GRB10: variants seen among roughly 807,000 people sequenced by gnomAD.
GRB10 encodes the protein growth factor receptor bound protein 10, also known as growth factor receptor-bound protein 10.
Under a neutral mutation model 80.9 loss-of-function variants are expected in GRB10, and 20 were observed. That is an observed-to-expected ratio of 0.25 (90% confidence interval 0.17 to 0.36). The LOEUF (loss-of-function observed/expected upper bound fraction) is 0.36. Among genes scored for constraint, GRB10 ranks in the 10% least tolerant of loss-of-function variants. GRB10 has a pLI of 1.00. For synonymous variants in GRB10, 291 were observed against 291.5 expected (o/e 1.00, Z 0.02); for missense variants, 548 against 747.7 (o/e 0.73, Z 3.12).
intron 5 of GRB10, among the ~76,000 whole-genome samples, chr7:50,695,564 C>T (rs1178073570): frequency 6.6e-6 from 1 of 152,106 alleles, no homozygotes; most frequent in Non-Finnish European, 1.5e-5. Flanking sequence ...AGGTGTAATG[C>T]TATTTGCTCC....
intron 4 of GRB10, chr7:50,705,411 A>G: frequency 2.2e-6 from 1 of 461,808 alleles, no homozygotes; most frequent in Non-Finnish European, 2.9e-6. Flanking sequence ...CAAAAGAAAT[A>G]GCTTTCTTTT....
At chr7:50,681,863 C>T (rs932928766) in intron 5 of GRB10, among the ~76,000 whole-genome samples, 8 of 152,374 alleles carry the variant, frequency 5.3e-5, no homozygotes, top group East Asian at 1.9e-4. Flanking sequence ...CCTGCTTCTG[C>T]GCCTGGTAGG....
At chr7:50,632,155 TTC>T (rs2054118031) in intron 7 of GRB10, among the ~76,000 whole-genome samples, 1 of 152,032 alleles carries the variant, frequency 6.6e-6, no homozygotes, top group African/African-American at 2.4e-5. Context: ...TTATTTTTAG[TTC>T]TGTTTTAAAT....
upstream of GRB10, among the ~76,000 whole-genome samples, chr7:50,784,092 C>T (rs375648128): frequency 4.6e-5 from 7 of 152,150 alleles, no homozygotes; most frequent in African/African-American, 1.4e-4. Context: ...TCTCACAGTC[C>T]GGGCTGACCA....
chr7:50,631,136 C>T (rs1236060886), intron 7 of GRB10, among the ~76,000 whole-genome samples: 1 of 152,172 alleles, frequency 6.6e-6, no homozygotes, highest in African/African-American at 2.4e-5. Context: ...CACAGACCCT[C>T]ACTCTTGCTT....
chr7:50,725,085 T>C (rs1374583141), intron 4 of GRB10, among the ~76,000 whole-genome samples: 4 of 152,182 alleles, frequency 2.6e-5, no homozygotes, highest in African/African-American at 9.7e-5. Context: ...CTACCTGCTG[T>C]AATGGCGACT....
At position 50,719,031 on chromosome 7, in the gene GRB10, C is replaced by T. The variant is rs2067304850; in HGVS notation, c.51+13241G>A. Among the ~76,000 whole-genome samples, 6 of 152,314 alleles carry T rather than the reference C, an allele frequency of 3.9e-5. No individual in the cohort carries two copies. In the South Asian group the frequency reaches 1.2e-3, roughly 32 times the overall value. On this transcript the variant is annotated intron_variant, in intron 4 of 18. Coordinates refer to ENST00000401949, the MANE Select transcript of GRB10 (RefSeq NM_001350814.2). The stretch of plus-strand genomic sequence containing the variant: ...CCAAGCAATTACTCTATGCCCAGCA[C>T]ATGAGTGTTTAAAGCAACAATCCTG...
At chr7:50,641,795 G>A (rs2056313430) in intron 7 of GRB10, among the ~76,000 whole-genome samples, 1 of 152,236 alleles carries the variant, frequency 6.6e-6, no homozygotes, top group African/African-American at 2.4e-5. Context: ...AGAAGGCACT[G>A]GGACTGCTGG....
At chr7:50,634,933 T>C (rs1452592160) in intron 7 of GRB10, among the ~76,000 whole-genome samples, 1 of 152,112 alleles carries the variant, frequency 6.6e-6, no homozygotes, top group Non-Finnish European at 1.5e-5. Context: ...AGCAATACCA[T>C]AATAGTGGGG....
chr7:50,605,543 C>T, intron 14 of GRB10, 137 bp from the exon 15 acceptor site: 2 of 787,212 alleles, frequency 2.5e-6, no homozygotes, highest in Non-Finnish European at 4.5e-6. Flanking sequence ...CCCCAAGTTT[C>T]AGGTGGGAAA....
chr7:50,650,624 G>A (rs571311073), intron 7 of GRB10, among the ~76,000 whole-genome samples: 6 of 152,328 alleles, frequency 3.9e-5, no homozygotes, highest in African/African-American at 1.4e-4. Context: ...GAAGATGTAA[G>A]GATGTGTTCC....
intron 6 of GRB10, among the ~76,000 whole-genome samples, chr7:50,674,232 T>C (rs554115214): frequency 1.1e-4 from 17 of 152,342 alleles, no homozygotes; most frequent in African/African-American, 4.1e-4. Context: ...ACTACTGGAA[T>C]TGAACTGGCT....
intron 12 of GRB10, among the ~76,000 whole-genome samples, 200 bp downstream of exon 12, chr7:50,614,570 G>C (rs894881891): frequency 6.6e-6 from 1 of 152,116 alleles, no homozygotes; most frequent in Non-Finnish European, 1.5e-5. Flanking sequence ...CTGTCTGCTT[G>C]TCCTTGAGCT....
At chr7:50,726,132 C>T (rs2068600212) in intron 4 of GRB10, 1 of 152,136 alleles carries the variant, frequency 6.6e-6, no homozygotes, top group African/African-American at 2.4e-5. Flanking sequence ...AGTGGCTCAC[C>T]CCTATCTATA....
chr7:50,687,344 C>T (rs1332796137), intron 5 of GRB10, among the ~76,000 whole-genome samples: 1 of 152,252 alleles, frequency 6.6e-6, no homozygotes, highest in Non-Finnish European at 1.5e-5. Flanking sequence ...TGCCAGGCCT[C>T]CCTGCGACTC....
At chr7:50,670,285 T>C (rs1181115968) in intron 6 of GRB10, among the ~76,000 whole-genome samples, 1 of 151,864 alleles carries the variant, frequency 6.6e-6, no homozygotes, top group Non-Finnish European at 1.5e-5. Context: ...GGGAGGGCAA[T>C]GGGGAATCGC....
At chr7:50,638,443 C>T (rs944460726) in intron 7 of GRB10, among the ~76,000 whole-genome samples, 22 of 152,158 alleles carry the variant, frequency 1.4e-4, no homozygotes, top group African/African-American at 5.3e-4. Flanking sequence ...CATGAACAGA[C>T]ATTTCTCAAA....
At chr7:50,672,641 G>A (rs940347221) in intron 6 of GRB10, among the ~76,000 whole-genome samples, 7 of 152,150 alleles carry the variant, frequency 4.6e-5, no homozygotes, top group Non-Finnish European at 7.3e-5. Context: ...AGGTAGTCCC[G>A]GGGCACATAT....
rs1478237130 is a variant in GRB10, at chr7:50,768,518, T to C, written c.-217+12109A>G. On this transcript the variant is annotated intron_variant, in intron 2 of 18. Coordinates refer to ENST00000401949, the MANE Select transcript of GRB10 (RefSeq NM_001350814.2). ...AGTCCTGAAATTCAGTATTCTTTCA[T>C]TAATTCACTCAGTACACACTTACCA... Among the ~76,000 whole-genome samples the C allele has an allele frequency of 2.6e-5, 4 of 152,230 alleles. No individual in the cohort carries two copies. In the East Asian group the frequency reaches 7.7e-4, roughly 29 times the overall value.
Sources: gnomAD v4.1 joint callset for allele counts (sites outside exome capture counted in the v4.1 genomes callset) on GRCh38, gnomAD v4.1.1 for gene constraint, MANE v1.5 for transcripts, NCBI Gene and HGNC (gene_info 2026-07-23, HGNC 2026-07-21) for gene names.